The following TRPC6 variants were observed in gnomAD, a reference collection of about 807,000 sequenced individuals.
TRPC6 encodes the protein short transient receptor potential channel 6.
In TRPC6, 55 loss-of-function variants were observed where a neutral mutation model predicts 90.7. The ratio of observed to expected loss-of-function variants is 0.61; its 90% CI spans 0.49 to 0.76. The LOEUF (loss-of-function observed/expected upper bound fraction) is 0.76. Among genes scored for constraint, TRPC6 ranks in the 30% least tolerant of loss-of-function variants. The pLI is 0.00. For synonymous variants in TRPC6, 393 were observed against 393.0 expected (o/e 1.00, Z 0.00); for missense variants, 989 against 1,122.7 (o/e 0.88, Z 1.70).
chr11:101,465,056 A>T (rs1859109464), intron 10 of TRPC6, among the ~76,000 whole-genome samples: 1 of 151,980 alleles, frequency 6.6e-6, no homozygotes, highest in African/African-American at 2.4e-5. Context: ...TGTGAAGCTT[A>T]GTTTGGTTAT....
chr11:101,468,062 C>T (rs1262450323), intron 10 of TRPC6, among the ~76,000 whole-genome samples: 1 of 152,144 alleles, frequency 6.6e-6, no homozygotes, highest in Non-Finnish European at 1.5e-5. Flanking sequence ...AATCTGCTGA[C>T]TCTCTTGGAT....
chr11:101,454,439 A>G (rs1333722907), intron 11 of TRPC6, among the ~76,000 whole-genome samples: 1 of 152,086 alleles, frequency 6.6e-6, no homozygotes, highest in African/African-American at 2.4e-5. Flanking sequence ...GACAAAAATG[A>G]AACTTTAAAT....
chr11:101,539,501 T>C (rs532012316), intron 1 of TRPC6, among the ~76,000 whole-genome samples: 275 of 152,332 alleles, frequency 1.8e-3, no homozygotes, highest in Admixed American at 3.4e-3. Context: ...ACTTGCCTCA[T>C]CAACGTTCAT....
At position 101,504,794 on chromosome 11, in the gene TRPC6, C is replaced by G; in HGVS notation, c.175G>C (p.Gly59Arg). 2 of 1,611,560 alleles carry G rather than the reference C, an allele frequency of 1.2e-6. No individual in the cohort carries two copies. Among genetic ancestry groups the G allele is most frequent in the Non-Finnish European group, 1.7e-6 (2 of 1,178,940 alleles). ...PCYGYYPCFR[G>R]SDNRLAHRRQ... The stretch of plus-strand genomic sequence containing the variant: ...CGGTGAGCCAGTCTGTTGTCAGATC[C>G]CCGGCTGCAATAAAACAGAAAGATT... The change falls in exon 2 of 13, where the codon GGA (glycine) becomes CGA (arginine). Residue 59 changes from glycine (G) to arginine (R), a missense_variant. By Grantham distance (125) the Gly-to-Arg change is moderately radical. This residue lies in a region of TRPC6 where 194 missense variants were observed against 136.5 expected (regional missense o/e 1.42). Transcript: ENST00000344327.
At chr11:101,459,325 G>A (rs1490924508) in intron 10 of TRPC6, among the ~76,000 whole-genome samples, 1 of 152,148 alleles carries the variant, frequency 6.6e-6, no homozygotes, top group Non-Finnish European at 1.5e-5. Context: ...TAAGACGATT[G>A]TCTGGGAAAG....
intron 1 of TRPC6, among the ~76,000 whole-genome samples, chr11:101,563,810 C>T (rs1861768797): frequency 6.6e-6 from 1 of 152,126 alleles, no homozygotes; most frequent in African/African-American, 2.4e-5. Flanking sequence ...AAGGTGAGGG[C>T]AGTACAGGCC....
At chr11:101,489,454 G>T (rs1859754063) in intron 3 of TRPC6, among the ~76,000 whole-genome samples, 1 of 152,086 alleles carries the variant, frequency 6.6e-6, no homozygotes, top group African/African-American at 2.4e-5. Context: ...TATTAACTCA[G>T]TTGCCTAAAT....
At position 101,471,401 on chromosome 11, in the gene TRPC6, A is replaced by G. The variant is rs764390212; in HGVS notation, c.2206-15T>C. On this transcript the variant is annotated splice_polypyrimidine_tract_variant and intron_variant, in intron 8 of 12. Transcript: ENST00000344327. ...TCAGCGTCATCCTATACAAATACACATGACAGTTCAGCAAGGAAATGCATA... is the reference window on the plus strand; with the variant it reads ...TCAGCGTCATCCTATACAAATACACGTGACAGTTCAGCAAGGAAATGCATA... 3.7e-6 allele frequency: 6 copies of G among 1,613,192 alleles called. No individual in the cohort carries two copies. In the South Asian group the frequency reaches 4.4e-5, roughly 12 times the overall value.
intron 1 of TRPC6, among the ~76,000 whole-genome samples, chr11:101,539,259 T>C (rs372315378): frequency 1.8e-4 from 27 of 152,300 alleles, no homozygotes; most frequent in African/African-American, 6.3e-4. Context: ...ACTAGACTGC[T>C]CCAACTCTGA....
chr11:101,579,506 C>T (rs1166766089), intron 1 of TRPC6, among the ~76,000 whole-genome samples: 3 of 152,120 alleles, frequency 2.0e-5, no homozygotes, highest in Non-Finnish European at 4.4e-5. Context: ...TTATAGCAAG[C>T]ATATCTTTAG....
chr11:101,547,836 G>T (rs998031141), intron 1 of TRPC6, among the ~76,000 whole-genome samples: 1 of 152,118 alleles, frequency 6.6e-6, no homozygotes, highest in African/African-American at 2.4e-5. Flanking sequence ...CTAGCCTGCT[G>T]CCTGTCTCCT....
At chr11:101,563,724 G>A (rs933317045) in intron 1 of TRPC6, among the ~76,000 whole-genome samples, 6 of 152,104 alleles carry the variant, frequency 3.9e-5, no homozygotes, top group South Asian at 2.1e-4. Context: ...GATGGGAGGA[G>A]ACACTGTGGG....
intron 1 of TRPC6, among the ~76,000 whole-genome samples, chr11:101,525,687 G>A (rs530124244): frequency 6.6e-6 from 1 of 152,350 alleles, no homozygotes; most frequent in South Asian, 2.1e-4. Context: ...GTACAACAGG[G>A]TAGCTAGAGA....
chr11:101,504,625 C>G lies in TRPC6; in HGVS notation c.344G>C (p.Arg115Pro), dbSNP rs750792087. ...TGAGTGGCATTCTTCTAACATCTTC[C>G]GCACCACTGGGATGTTACCATATTC... The part of the protein sequence containing the change: ...AAEYGNIPVV[R>P]KMLEECHSLN... The change falls in exon 2 of 13, where the codon CGG (arginine) becomes CCG (proline). Residue 115 changes from arginine to proline, a missense_variant. Arg to Pro is a moderately radical substitution (Grantham distance 103). Coordinates refer to ENST00000344327, the MANE Select transcript of TRPC6 (RefSeq NM_004621.6). The G allele has an allele frequency of 6.2e-7, 1 of 1,613,160 alleles. No individual in the cohort carries two copies. The highest frequency in any genetic ancestry group is 8.5e-7 in the Non-Finnish European group (1 of 1,179,332).
At chr11:101,569,983 C>T (rs532043618) in intron 1 of TRPC6, among the ~76,000 whole-genome samples, 9 of 127,008 alleles carry the variant, frequency 7.1e-5, no homozygotes, top group African/African-American at 2.2e-4. Context: ...AGCAAACAAA[C>T]TCAATAAGCT....
chr11:101,528,533 T>C (rs1242543306), intron 1 of TRPC6, among the ~76,000 whole-genome samples: 1 of 152,210 alleles, frequency 6.6e-6, no homozygotes, highest in African/African-American at 2.4e-5. Flanking sequence ...CTATATTACA[T>C]GAGGCAACAC....
At chr11:101,494,143 C>T (rs538436724) in intron 2 of TRPC6, among the ~76,000 whole-genome samples, 16 of 152,144 alleles carry the variant, frequency 1.1e-4, no homozygotes, top group Admixed American at 1.3e-4. Flanking sequence ...GCCATGCGGA[C>T]GAACTCTTAG....
rs1166182552 is a variant in TRPC6, at chr11:101,546,050, CTTTTTTTTTTT to C, written c.170+37273_170+37283del. The stretch of plus-strand genomic sequence containing the variant: ...TGGATCTAGTATCACATTTATAACT[CTTTTTTTTTTT>C]TTTTTTTTTTTTTTTTTTTTTGAGA... On this transcript the variant is annotated intron_variant, in intron 1 of 12. Coordinates refer to ENST00000344327, the MANE Select transcript of TRPC6 (RefSeq NM_004621.6). Among the ~76,000 whole-genome samples the C allele has an allele frequency of 3.0e-4, 9 of 29,724 alleles. No homozygotes were observed. In the South Asian group the frequency reaches 5.2e-3, roughly 17 times the overall value. The allele number at this position is 29,724 out of a possible 152,430, so 19.5% of individuals were successfully genotyped here. A position where few individuals can be genotyped will look rare whatever the true frequency, so the allele number is the denominator to read the frequency against.
chr11:101,470,657 C>T (rs1347082223), intron 9 of TRPC6, among the ~76,000 whole-genome samples: 3 of 152,072 alleles, frequency 2.0e-5, no homozygotes, highest in African/African-American at 7.2e-5. Flanking sequence ...GATTGCATCA[C>T]CTTGTGGGAT....
Sources: gnomAD v4.1 joint callset for allele counts (sites outside exome capture counted in the v4.1 genomes callset) on GRCh38, gnomAD v4.1.1 for gene constraint, gnomAD v4.1.1 regional missense constraint, MANE v1.5 for transcripts, NCBI Gene and HGNC (gene_info 2026-07-23, HGNC 2026-07-21) for gene names.